ZNF726: variants seen among roughly 807,000 people sequenced by gnomAD.
ZNF726 encodes zinc finger protein 726.
A neutral mutation model predicts 11.6 loss-of-function variants in ZNF726; 15 were observed. That is an observed-to-expected ratio of 1.29 (90% CI 0.86 to 1.99). ZNF726 has a LOEUF of 1.99. Among genes scored for constraint, ZNF726 ranks in the 30% most tolerant of loss-of-function variants. The pLI, the probability that ZNF726 is intolerant of heterozygous loss-of-function variation, is 0.00. For synonymous variants in ZNF726, 295 were observed against 243.6 expected (o/e 1.21, Z -1.96); for missense variants, 890 against 725.6 (o/e 1.23, Z -2.60).
chr19:23,934,553 T>A, downstream of ZNF726: 1 of 356,748 alleles, frequency 2.8e-6, no homozygotes, highest in Non-Finnish European at 5.5e-6. Flanking sequence ...AGAATTTTCA[T>A]ACAGTCTTTC....
At position 23,932,971 on chromosome 19, in the gene ZNF726, C is replaced by A. The variant is rs1253030301; in HGVS notation, c.855C>A (p.Cys285Ter). The change falls in exon 4 of 4, where the codon TGC (cysteine) becomes TGA (stop). Residue 285 changes from cysteine to a stop codon, truncating the protein, a stop_gained. Transcript: ENST00000594466. LOFTEE classifies it low-confidence loss of function (END_TRUNC). The part of the protein sequence containing the change: ...HKRIHTGEKP[C>*]KCEECGKAFS... Reference sequence around the variant, plus strand: ...GGATACATACTGGAGAGAAACCCTGCAAATGTGAAGAATGTGGCAAAGCAT... The same window carrying A: ...GGATACATACTGGAGAGAAACCCTGAAAATGTGAAGAATGTGGCAAAGCAT... 2 of 1,612,262 alleles carry A rather than the reference C, an allele frequency of 1.2e-6. No homozygotes were observed. Among genetic ancestry groups the A allele is most frequent in the Admixed American group, 3.3e-5 (2 of 59,884 alleles).
In ZNF726 at chr19:23,934,261, C is replaced by T. The variant is rs1486328168; in HGVS notation, c.*294C>T. 7.6e-6 allele frequency: 5 copies of T among 656,716 alleles called. No homozygotes were observed. The highest frequency in any genetic ancestry group is 4.2e-5 in the South Asian group (3 of 71,278). The allele number at this position is 656,716 out of a possible 1,614,324, so 40.7% of individuals were successfully genotyped here. A position where few individuals can be genotyped will look rare whatever the true frequency, so the allele number is the denominator to read the frequency against. On this transcript the variant is annotated 3_prime_UTR_variant, in exon 4 of 4. Coordinates refer to ENST00000594466, the MANE Select transcript of ZNF726 (RefSeq NM_001244038.2). ...TGTGGCAAAGCATATGGTCCACACC[C>T]CTAAGTAGACATAAGAGGATGCACA...
chr19:23,939,907 G>A (rs1221304092), intron 3 of ZNF726, among the ~76,000 whole-genome samples: 1 of 112,934 alleles, frequency 8.9e-6, no homozygotes, highest in Non-Finnish European at 1.8e-5. Context: ...TGAGTTCACT[G>A]TAGATTCTGG....
rs556170577 is a variant in ZNF726, at chr19:23,933,005, C to A, written c.889C>A (p.Pro297Thr). The change falls in exon 4 of 4, where the codon CCC (proline) becomes ACC (threonine). Residue 297 changes from proline (P) to threonine (T), a missense_variant. Transcript: ENST00000594466. ...AGAATGTGGCAAAGCATTTAGCCAA[C>A]CCTCAGCACTAACCATACATAAGAG... The part of the protein sequence containing the change: ...CEECGKAFSQ[P>T]SALTIHKRMH... 6.2e-7 allele frequency: 1 copy of A among 1,609,626 alleles called. No homozygotes were observed. Among genetic ancestry groups the A allele is most frequent in the African/African-American group, 1.4e-5 (1 of 73,960 alleles).
intron 3 of ZNF726, among the ~76,000 whole-genome samples, chr19:23,930,317 T>C (rs1030851129): frequency 3.3e-5 from 5 of 152,202 alleles, no homozygotes; most frequent in Non-Finnish European, 7.3e-5. Context: ...GAGATTTTCT[T>C]AATGAATATA....
intron 3 of ZNF726, among the ~76,000 whole-genome samples, chr19:23,940,302 T>C (rs1968317970): frequency 6.6e-6 from 1 of 152,180 alleles, no homozygotes; most frequent in Non-Finnish European, 1.5e-5. Context: ...TTTTGTTTGC[T>C]TTGTTGAAGA....
chr19:23,938,376 A>G (rs1968281183), downstream of ZNF726, among the ~76,000 whole-genome samples: 1 of 152,142 alleles, frequency 6.6e-6, no homozygotes, highest in Non-Finnish European at 1.5e-5. Context: ...TAATATTGGA[A>G]CAAAATAAAT....
rs201339383 is a variant in ZNF726 at position 23,933,360 on chromosome 19, A to T, written c.1244A>T (p.His415Leu). The change falls in exon 4 of 4, where the codon CAT (histidine) becomes CTT (leucine). Residue 415 changes from histidine (H) to leucine (L), a missense_variant. Transcript: ENST00000594466. Reference protein sequence around the residue: ...AFHRSSNLTKHKIIHTGEKPY... With the variant: ...AFHRSSNLTKLKIIHTGEKPY... ...CATCGATCCTCAAATCTTACTAAACATAAGATAATTCATACTGGAGAGAAA... is the reference window on the plus strand; with the variant it reads ...CATCGATCCTCAAATCTTACTAAACTTAAGATAATTCATACTGGAGAGAAA... 1 of 1,613,208 alleles carries T rather than the reference A, an allele frequency of 6.2e-7. No homozygotes were observed. The highest frequency in any genetic ancestry group is 8.5e-7 in the Non-Finnish European group (1 of 1,179,848).
At chr19:23,943,683 T>C (rs191221723) in intron 4 of ZNF726, 3 of 436,570 alleles carry the variant, frequency 6.9e-6, no homozygotes, top group Non-Finnish European at 4.1e-6. Context: ...GATGCTCTGC[T>C]TCAGTGGAAA....
downstream of ZNF726, chr19:23,934,540 T>C: frequency 2.8e-6 from 1 of 359,164 alleles, no homozygotes; most frequent in South Asian, 2.2e-5. Flanking sequence ...CTGTTCACTG[T>C]TCAGAATTTT....
At chr19:23,918,283 A>C (rs1967753955) in intron 1 of ZNF726, among the ~76,000 whole-genome samples, 1 of 152,210 alleles carries the variant, frequency 6.6e-6, no homozygotes, top group African/African-American at 2.4e-5. Flanking sequence ...AAACTTTTGA[A>C]GAATAATTTC....
chr19:23,917,831 G>C (rs1967742134), intron 1 of ZNF726, among the ~76,000 whole-genome samples: 1 of 149,476 alleles, frequency 6.7e-6, no homozygotes, highest in Non-Finnish European at 1.5e-5. Context: ...AACAGTTTTA[G>C]TTTCAAAAAT....
At chr19:23,926,351 A>G (rs1192973903) in intron 3 of ZNF726, among the ~76,000 whole-genome samples, 1 of 151,932 alleles carries the variant, frequency 6.6e-6, no homozygotes, top group Non-Finnish European at 1.5e-5. Context: ...ACAGGAGTTC[A>G]AGACAAGCCT....
intron 3 of ZNF726, among the ~76,000 whole-genome samples, chr19:23,929,521 A>C (rs1968059508): frequency 6.6e-6 from 1 of 152,182 alleles, no homozygotes; most frequent in Admixed American, 6.5e-5. Context: ...CACTATCATG[A>C]GACCAGCACA....
downstream of ZNF726, among the ~76,000 whole-genome samples, chr19:23,938,956 A>G (rs1282157286): frequency 6.6e-6 from 1 of 152,058 alleles, no homozygotes; most frequent in Non-Finnish European, 1.5e-5. Context: ...GTCTGTAAGT[A>G]TAAGAATGAT....
chr19:23,928,708 A>T (rs1335840952), intron 3 of ZNF726: 1 of 152,212 alleles, frequency 6.6e-6, no homozygotes, highest in Non-Finnish European at 1.5e-5. Flanking sequence ...TCAGTGCTAA[A>T]ATGAGTCCCT....
At chr19:23,941,365 G>T (rs1469879303) in intron 3 of ZNF726, among the ~76,000 whole-genome samples, 1 of 152,124 alleles carries the variant, frequency 6.6e-6, no homozygotes, top group Non-Finnish European at 1.5e-5. Flanking sequence ...TTGACATGTT[G>T]TTGGATTTGG....
intron 2 of ZNF726, 81 bp downstream of exon 2, chr19:23,919,580 A>T: frequency 6.9e-7 from 1 of 1,442,140 alleles, no homozygotes; most frequent in South Asian, 1.3e-5. Context: ...CTGGTAATTT[A>T]TGCTTTCCTA....
chr19:23,921,616 T>C (rs1178837051), intron 3 of ZNF726: 1 of 152,202 alleles, frequency 6.6e-6, no homozygotes, highest in Non-Finnish European at 1.5e-5. Context: ...TTAAATTTGT[T>C]CTAAAATTGA....
Sources: allele counts gnomAD v4.1 joint callset (sites outside exome capture counted in the v4.1 genomes callset), GRCh38; gene constraint gnomAD v4.1.1; transcripts MANE v1.5; gene names NCBI Gene and HGNC (gene_info 2026-07-23, HGNC 2026-07-21).